The following SCFD1 variants were observed in gnomAD, a reference collection of about 807,000 sequenced individuals.
SCFD1 encodes the protein sec1 family domain-containing protein 1.
SCFD1 carries 37 observed loss-of-function variants against 103.2 expected under a neutral mutation model. The observed-to-expected ratio is 0.36, with a 90% CI of 0.28 to 0.47. The LOEUF (loss-of-function observed/expected upper bound fraction) is 0.47. SCFD1 is among the 20% of genes least tolerant of loss of function. SCFD1 has a pLI of 1.00. For synonymous variants in SCFD1, 264 were observed against 245.0 expected (o/e 1.08, Z -0.73); for missense variants, 639 against 761.2 (o/e 0.84, Z 1.89).
At chr14:30,650,721 C>A in intron 9 of SCFD1, 71 bp downstream of exon 9, 1 of 868,102 alleles carries the variant, frequency 1.2e-6, no homozygotes, top group Non-Finnish European at 1.9e-6. Context: ...CTTTTCTTGG[C>A]TGATAGAATA....
At chr14:30,695,980 T>TA (rs1476644823) in intron 15 of SCFD1, among the ~76,000 whole-genome samples, 1 of 152,226 alleles carries the variant, frequency 6.6e-6, no homozygotes, top group African/African-American at 2.4e-5. Context: ...CATAGAGTCT[T>TA]AGTCTCTGAA....
intron 4 of SCFD1, among the ~76,000 whole-genome samples, chr14:30,634,257 T>G (rs1384448223): frequency 6.6e-6 from 1 of 152,194 alleles, no homozygotes; most frequent in African/African-American, 2.4e-5. Flanking sequence ...CAGTTTCACT[T>G]TCCACAGTTT....
rs1302282864 is a variant in SCFD1, at chr14:30,703,958, TATATAA to T, written c.1490+1587_1490+1592del. 8.8e-3 allele frequency among the ~76,000 whole-genome samples: 428 copies of T among 48,904 alleles called. 31 individuals carry two copies. Among genetic ancestry groups the T allele is most frequent in the African/African-American group, 0.031 (99 of 3,152 alleles). 32.1% of individuals were successfully genotyped at this position (48,904 alleles called of 152,430 possible). The stretch of plus-strand genomic sequence containing the variant: ...ATATATATATATATATATATATATA[TATATAA>T]ATAATGAGATATCTTGGGGATGGGA... On this transcript the variant is annotated intron_variant, in intron 17 of 24. Transcript: ENST00000458591.
intron 10 of SCFD1, among the ~76,000 whole-genome samples, chr14:30,663,525 G>A (rs979254794): frequency 2.0e-5 from 3 of 152,144 alleles, no homozygotes; most frequent in African/African-American, 4.8e-5. Flanking sequence ...TCACTTTCTT[G>A]CCCTATGATA....
intron 18 of SCFD1, 103 bp from the exon 19 acceptor site, chr14:30,707,887 C>T (rs1167698032): frequency 2.4e-6 from 2 of 830,940 alleles, no homozygotes; most frequent in East Asian, 2.5e-5. Context: ...GTAGGTACAG[C>T]GAGCATCAGC....
chr14:30,674,613 A>G (rs1016259927), intron 13 of SCFD1, among the ~76,000 whole-genome samples: 2 of 151,748 alleles, frequency 1.3e-5, no homozygotes, highest in Admixed American at 6.6e-5. Flanking sequence ...GCACCATTGC[A>G]CTCCAGCCCA....
intron 15 of SCFD1, among the ~76,000 whole-genome samples, chr14:30,695,372 A>T (rs1379611650): frequency 6.6e-6 from 1 of 152,202 alleles, no homozygotes; most frequent in Non-Finnish European, 1.5e-5. Context: ...CTTAGAAAAT[A>T]TGATCTATGG....
In SCFD1 at chr14:30,735,692, C is replaced by A; in HGVS notation, c.*83C>A. 1 of 1,019,156 alleles carries A rather than the reference C, an allele frequency of 9.8e-7. No individual in the cohort carries two copies. 63.1% of individuals were successfully genotyped at this position (1,019,156 alleles called of 1,614,324 possible). A position where few individuals can be genotyped will look rare whatever the true frequency, so the allele number is the denominator to read the frequency against. ...AAAAGTTAGAAGAGCAATATGTTTC[C>A]TTCTCTGTAACAGTGTCCTAACAGT... On this transcript the variant is annotated 3_prime_UTR_variant, in exon 25 of 25. Coordinates refer to ENST00000458591, the MANE Select transcript of SCFD1 (RefSeq NM_016106.4).
chr14:30,708,841 C>T (rs373104453), intron 19 of SCFD1, among the ~76,000 whole-genome samples: 9 of 152,196 alleles, frequency 5.9e-5, no homozygotes, highest in African/African-American at 2.2e-4. Context: ...GTATATAGGA[C>T]ACTTTTAAAT....
At chr14:30,724,344 C>T (rs955705774) in intron 23 of SCFD1, among the ~76,000 whole-genome samples, 3 of 149,670 alleles carry the variant, frequency 2.0e-5, no homozygotes, top group African/African-American at 7.5e-5. Context: ...CGTCTGCCTC[C>T]CAGATTCAAG....
At chr14:30,622,301 T>TC, upstream of SCFD1, 1 of 1,593,678 alleles carries the variant, frequency 6.3e-7, no homozygotes, top group Non-Finnish European at 8.5e-7. Flanking sequence ...ATCCCCCCGC[T>TC]CCGCTCCCCA....
chr14:30,646,035 G>A (rs775628998), intron 7 of SCFD1, among the ~76,000 whole-genome samples: 1 of 150,806 alleles, frequency 6.6e-6, no homozygotes, highest in African/African-American at 2.4e-5. Context: ...GTTTTTTTTT[G>A]TTTTTGTTTT....
chr14:30,720,696 A>G (rs115627069), intron 21 of SCFD1, among the ~76,000 whole-genome samples: 1,668 of 152,264 alleles, frequency 0.011, 26 homozygotes, highest in African/African-American at 0.038. Context: ...TTTACATTAT[A>G]TTAGGTATCA....
chr14:30,677,875 CTG>C (rs1413444258), intron 14 of SCFD1, among the ~76,000 whole-genome samples: 6 of 109,336 alleles, frequency 5.5e-5, no homozygotes, highest in Non-Finnish European at 1.0e-4. Flanking sequence ...GAGTCTCACT[CTG>C]TCACCAGGCC....
intron 16 of SCFD1, 131 bp downstream of exon 16, chr14:30,700,389 A>G: frequency 2.9e-6 from 2 of 694,916 alleles, no homozygotes; most frequent in Non-Finnish European, 4.9e-6. Flanking sequence ...TAAAAGAAAA[A>G]TGGCCAGGCG....
rs748287064 is a variant in SCFD1 at position 30,702,278 on chromosome 14, G to C, written c.1411-18G>C. The C allele has an allele frequency of 1.3e-6, 2 of 1,542,134 alleles. No homozygotes were observed. Among genetic ancestry groups the C allele is most frequent in the Non-Finnish European group, 1.8e-6 (2 of 1,132,400 alleles). ...TGAAAGTAAAATTTTTTGTCATATAGTTCTTTTCTTATTTCAGGCTGATTT... is the reference window on the plus strand; with the variant it reads ...TGAAAGTAAAATTTTTTGTCATATACTTCTTTTCTTATTTCAGGCTGATTT... On this transcript the variant is annotated intron_variant, in intron 16 of 24. Coordinates refer to ENST00000458591, the MANE Select transcript of SCFD1 (RefSeq NM_016106.4).
intron 20 of SCFD1, 48 bp downstream of exon 20, chr14:30,716,025 C>G (rs1892257692): frequency 2.0e-6 from 2 of 1,018,952 alleles, no homozygotes; most frequent in Non-Finnish European, 3.1e-6. Flanking sequence ...ATGTGTCAAA[C>G]TGACTAGTAT....
intron 19 of SCFD1, among the ~76,000 whole-genome samples, chr14:30,709,528 G>A (rs1891715659): frequency 6.6e-6 from 1 of 152,104 alleles, no homozygotes; most frequent in Non-Finnish European, 1.5e-5. Context: ...CACTGTGCCT[G>A]GCCTCATTAT....
intron 4 of SCFD1, among the ~76,000 whole-genome samples, chr14:30,636,434 TC>T (rs1220955198): frequency 1.3e-5 from 2 of 152,124 alleles, no homozygotes; most frequent in African/African-American, 4.8e-5. Flanking sequence ...CCAACTTTAT[TC>T]TTTTGCATGT....
Sources: allele counts gnomAD v4.1 joint callset (sites outside exome capture counted in the v4.1 genomes callset), GRCh38; gene constraint gnomAD v4.1.1; transcripts MANE v1.5; gene names NCBI Gene and HGNC (gene_info 2026-07-23, HGNC 2026-07-21).